Variants in PBRM1 observed in about 807,000 individuals in gnomAD.
PBRM1 encodes the protein protein polybromo-1.
In PBRM1, 27 loss-of-function variants were observed where a neutral mutation model predicts 194.5. The observed-to-expected ratio is 0.14, with a 90% confidence interval of 0.10 to 0.19. PBRM1 has a LOEUF of 0.19. PBRM1 is among the 10% of genes least tolerant of loss of function. PBRM1 has a pLI of 1.00. For synonymous variants in PBRM1, 655 were observed against 693.2 expected (o/e 0.94, Z 0.87); for missense variants, 1,466 against 2,077.2 (o/e 0.71, Z 5.72).
At chr3:52,682,641 A>G (rs569892084), upstream of PBRM1, among the ~76,000 whole-genome samples, 5 of 152,328 alleles carry the variant, frequency 3.3e-5, no homozygotes, top group East Asian at 5.8e-4. Flanking sequence ...GGGCAATGTT[A>G]TAAGGTGGGA....
intron 15 of PBRM1, among the ~76,000 whole-genome samples, chr3:52,612,386 A>G (rs895307995): frequency 6.6e-6 from 1 of 152,090 alleles, no homozygotes; most frequent in African/African-American, 2.4e-5. Context: ...CCCCTTATAA[A>G]GTATCACCAC....
chr3:52,636,020 C>T (rs1019135318), intron 10 of PBRM1, among the ~76,000 whole-genome samples: 12 of 151,676 alleles, frequency 7.9e-5, no homozygotes, highest in Non-Finnish European at 1.6e-4. Flanking sequence ...TGTGCCACCA[C>T]GCCTGGCCAA....
At chr3:52,596,527 TCAGGGCCC>T (rs2093578423) in intron 17 of PBRM1, among the ~76,000 whole-genome samples, 1 of 146,086 alleles carries the variant, frequency 6.8e-6, no homozygotes, top group Non-Finnish European at 1.5e-5. Flanking sequence ...TGCTGATTAT[TCAGGGCCC>T]AAGGGCTCTT....
At chr3:52,670,499 T>C (rs2096924469) in intron 2 of PBRM1, among the ~76,000 whole-genome samples, 1 of 152,260 alleles carries the variant, frequency 6.6e-6, no homozygotes, top group Non-Finnish European at 1.5e-5. Context: ...TTATATTGTA[T>C]GTTCTTTCAA....
intron 17 of PBRM1, among the ~76,000 whole-genome samples, chr3:52,595,555 C>T (rs1210251658): frequency 6.6e-6 from 1 of 152,114 alleles, no homozygotes; most frequent in Non-Finnish European, 1.5e-5. Context: ...GAGTTGAGTT[C>T]CTCATACATT....
At chr3:52,591,511 G>GTTTTTTTTTTTTTTTT (rs57736913) in intron 17 of PBRM1, among the ~76,000 whole-genome samples, 9 of 71,852 alleles carry the variant, frequency 1.3e-4, no homozygotes, top group Non-Finnish European at 2.0e-4. Context: ...TTTTGTCTTT[G>GTTTTTTTTTTTTTTTT]TTTTTTTTTT....
At chr3:52,661,013 TC>T (rs1171556723) in intron 4 of PBRM1, among the ~76,000 whole-genome samples, 3 of 152,164 alleles carry the variant, frequency 2.0e-5, no homozygotes, top group African/African-American at 7.2e-5. Context: ...TTCAAACATG[TC>T]TTTTTATTTT....
intron 8 of PBRM1, among the ~76,000 whole-genome samples, chr3:52,644,373 T>A (rs990341079): frequency 9.2e-5 from 14 of 152,000 alleles, no homozygotes; most frequent in African/African-American, 3.1e-4. Flanking sequence ...TATAAAGGCA[T>A]TAAGGGTTTT....
chr3:52,671,223 A>C (rs1454399319), intron 2 of PBRM1, among the ~76,000 whole-genome samples: 1 of 152,250 alleles, frequency 6.6e-6, no homozygotes, highest in Non-Finnish European at 1.5e-5. Flanking sequence ...CAAAGTATCA[A>C]AAAGATATTC....
intron 10 of PBRM1, among the ~76,000 whole-genome samples, chr3:52,641,585 C>T (rs1460000897): frequency 6.7e-6 from 1 of 150,062 alleles, no homozygotes; most frequent in Non-Finnish European, 1.5e-5. Context: ...AAGAGAAAGA[C>T]AAGCCAAGAA....
intron 1 of PBRM1, chr3:52,684,994 G>A (rs2097287473): frequency 6.6e-6 from 1 of 152,120 alleles, no homozygotes; most frequent in African/African-American, 2.4e-5. Flanking sequence ...AAAGCACATA[G>A]CCAAATGGAG....
At chr3:52,662,348 AC>A (rs2096741394) in intron 3 of PBRM1, 72 bp from the exon 5 acceptor site, 3 of 1,364,610 alleles carry the variant, frequency 2.2e-6, no homozygotes, top group African/African-American at 2.9e-5. Context: ...CTTTTAAAGC[AC>A]CTGTTTCAGC....
chr3:52,589,519 T>C (rs1199418677), intron 17 of PBRM1, among the ~76,000 whole-genome samples: 2 of 152,184 alleles, frequency 1.3e-5, no homozygotes, highest in African/African-American at 4.8e-5. Context: ...AACATCACCT[T>C]ACTAATATAT....
intron 2 of PBRM1, among the ~76,000 whole-genome samples, chr3:52,672,719 C>T (rs1355221844): frequency 6.6e-6 from 1 of 151,980 alleles, no homozygotes; most frequent in African/African-American, 2.4e-5. Flanking sequence ...GTCTCGAACT[C>T]CTGCACTCAG....
chr3:52,577,430 CAAAAAAAAAAAAAAA>C (rs71084193), intron 21 of PBRM1, among the ~76,000 whole-genome samples: 1 of 65,714 alleles, frequency 1.5e-5, no homozygotes, highest in Non-Finnish European at 2.7e-5. Flanking sequence ...GACAATGTCT[CAAAAAAAAAAAAAAA>C]AAAAAAAAAA....
At chr3:52,548,424 C>T in intron 29 of PBRM1, among the ~76,000 whole-genome samples, 189 bp from the exon 32 acceptor site, 1 of 151,486 alleles carries the variant, frequency 6.6e-6, no homozygotes, top group East Asian at 1.9e-4. Flanking sequence ...AAGATTTGAT[C>T]ATAAATTTTT....
rs577310527 is a variant in PBRM1 at position 52,637,234 on chromosome 3, ATTG to A, written c.1088-2422_1088-2420del. 1.2e-3 allele frequency among the ~76,000 whole-genome samples: 190 copies of A among 152,212 alleles called. 1 individual carries two copies. The highest frequency in any genetic ancestry group is 4.5e-3 in the African/African-American group (187 of 41,524). ...ACATCTTTTCTGATCCTTACACCTT[ATTG>A]TTGTCACTGTAGGCTGGCTAGTACT... On this transcript the variant is annotated intron_variant, in intron 10 of 29. Coordinates refer to ENST00000296302, the Ensembl canonical transcript of PBRM1.
intron 16 of PBRM1, among the ~76,000 whole-genome samples, chr3:52,608,675 A>C (rs1163311093): frequency 6.6e-6 from 1 of 151,856 alleles, no homozygotes; most frequent in African/African-American, 2.4e-5. Context: ...AAGTGCACAT[A>C]TAAAATACAC....
Position 52,630,518 on chromosome 3 carries a change from A to C in PBRM1, c.1302-1483T>G, listed in dbSNP as rs1163383916. Among the ~76,000 whole-genome samples, 11 of 152,230 alleles carry C rather than the reference A, an allele frequency of 7.2e-5. No homozygotes were observed. The East Asian group carries it at 2.1e-3, about 29-fold the overall frequency. ...ATCACATTGGAATATTGATAATAAA[A>C]CATTTTCATCAACGCAGAAAGTTCT... On this transcript the variant is annotated intron_variant, in intron 11 of 29. Coordinates refer to ENST00000296302, the Ensembl canonical transcript of PBRM1.
Sources: allele counts gnomAD v4.1 joint callset (sites outside exome capture counted in the v4.1 genomes callset), GRCh38; gene constraint gnomAD v4.1.1; transcripts MANE v1.5; gene names NCBI Gene and HGNC (gene_info 2026-07-23, HGNC 2026-07-21).